Variants in RBM15 observed in about 807,000 individuals in gnomAD.
RBM15 encodes RNA binding motif protein 15, also known as RNA-binding protein 15.
Under a neutral mutation model 62.6 loss-of-function variants are expected in RBM15, and 8 were observed. That is an observed-to-expected ratio of 0.13 (90% CI 0.07 to 0.23). RBM15 has a LOEUF of 0.23. RBM15 is among the 10% of genes least tolerant of loss of function. The pLI is 1.00. For synonymous variants in RBM15, 606 were observed against 505.7 expected, an observed-to-expected ratio of 1.20 and a Z score of -2.66; for missense variants, 1,144 against 1,286.5, an observed-to-expected ratio of 0.89 and a Z score of 1.69.
At chr1:110,343,551 C>T (rs1276022878) in intron 1 of RBM15, among the ~76,000 whole-genome samples, 1 of 151,628 alleles carries the variant, frequency 6.6e-6, no homozygotes, top group Non-Finnish European at 1.5e-5. Context: ...TGATATCAAC[C>T]TCTGGTTCTC....
intron 1 of RBM15, among the ~76,000 whole-genome samples, chr1:110,343,183 TAGAA>T (rs1333608084): frequency 1.1e-4 from 17 of 152,194 alleles, no homozygotes; most frequent in South Asian, 4.1e-4. Context: ...GTTTCAATAA[TAGAA>T]AGAAGAGTTG....
In RBM15 at chr1:110,341,835, C is replaced by T. The variant is rs1487248079; in HGVS notation, c.2430C>T (p.Leu810=). ...ACATGCATCTGTTGCAGGGTGACCT[C>T]CAAGTGGCTAGTAGTCTTCTTGTGG... ...PSNMHLLQGD[L]QVASSLLVEG... The change falls in exon 1 of 3, where the codon CTC becomes CTT. Residue 810 remains leucine (L), a synonymous_variant. Coordinates refer to ENST00000369784, the MANE Select transcript of RBM15 (RefSeq NM_022768.5). The surrounding 1 kb of genome is among the most constrained non-coding windows in gnomAD (Gnocchi z 4.5). The T allele has an allele frequency of 6.2e-7, 1 of 1,614,190 alleles. No individual in the cohort carries two copies. The highest frequency in any genetic ancestry group is 8.5e-7 in the Non-Finnish European group (1 of 1,180,030).
chr1:110,340,022 A>G lies in RBM15; in HGVS notation c.617A>G (p.His206Arg), dbSNP rs372876750. ...GGTGATGTAAGTGTGAAAATCAGTC[A>G]TCTGTCGGGTTCTGGCAGCGGGGAT... is the stretch of plus-strand genomic sequence containing the variant. ...RFGDVSVKISHLSGSGSGDER... is the reference protein window; with the variant it reads ...RFGDVSVKISRLSGSGSGDER... The change falls in exon 1 of 3, where the codon CAT (histidine) becomes CGT (arginine). Residue 206 changes from histidine to arginine, a missense_variant. His to Arg is a conservative substitution (Grantham distance 29, BLOSUM62 0). Around this residue, in one of 8 missense-constraint regions of RBM15, gnomAD observed 188 missense variants for 185.6 expected, o/e 1.01. Transcript: ENST00000369784. This position sits in a 1 kb window ranked among gnomAD's most constrained non-coding sequence, Gnocchi z 5.8. 2.5e-6 allele frequency: 4 copies of G among 1,614,114 alleles called. No homozygotes were observed. The highest frequency in any genetic ancestry group is 2.5e-6 in the Non-Finnish European group (3 of 1,180,028).
chr1:110,341,006 A>G lies in RBM15; in HGVS notation c.1601A>G (p.Gln534Arg). The change falls in exon 1 of 3, where the codon CAG becomes CGG. Residue 534 changes from glutamine to arginine, a missense_variant. Transcript: ENST00000369784. The surrounding 1 kb of genome is among the most constrained non-coding windows in gnomAD (Gnocchi z 4.5). The stretch of plus-strand genomic sequence containing the variant: ...TTTGCCGACACCGAACATCGTTACC[A>G]GCAGCAGTATCTGCAGCCTCTGCCC... ...VDFADTEHRY[Q>R]QQYLQPLPLT... 1 of 1,614,214 alleles carries G rather than the reference A, an allele frequency of 6.2e-7. No individual in the cohort carries two copies. Among genetic ancestry groups the G allele is most frequent in the Non-Finnish European group, 8.5e-7 (1 of 1,180,016 alleles).
At position 110,340,341 on chromosome 1, in the gene RBM15, T is replaced by A; in HGVS notation, c.936T>A (p.Leu312=). 1.2e-6 allele frequency: 2 copies of A among 1,614,174 alleles called. No individual in the cohort carries two copies. Among genetic ancestry groups the A allele is most frequent in the South Asian group, 2.2e-5 (2 of 91,090 alleles). The change falls in exon 1 of 3, where the codon CTT becomes CTA. Residue 312 remains leucine (L), a synonymous_variant. Transcript: ENST00000369784. This position sits in a 1 kb window ranked among gnomAD's most constrained non-coding sequence, Gnocchi z 5.8. ...ACTACCGGCTGCAGCAGTTGGCTCTTGGCCGCCTGCCCCCTCCACCTCCGC... is the reference window on the plus strand; with the variant it reads ...ACTACCGGCTGCAGCAGTTGGCTCTAGGCCGCCTGCCCCCTCCACCTCCGC... ...YRDYRLQQLA[L]GRLPPPPPPP...
chr1:110,340,378 C>G lies in RBM15; in HGVS notation c.973C>G (p.Arg325Gly), dbSNP rs1326697505. ...LPPPPPPPLP[R>G]DLERERDYPF... Reference sequence around the variant, plus strand: ...CCCTCCACCTCCGCCACCATTGCCTCGAGACCTGGAGAGAGAAAGAGACTA... The same window carrying G: ...CCCTCCACCTCCGCCACCATTGCCTGGAGACCTGGAGAGAGAAAGAGACTA... Residue 325 changes from arginine to glycine, a missense_variant, in exon 1 of 3, where the codon CGA (arginine) becomes GGA (glycine). By Grantham distance (125) the Arg-to-Gly change is moderately radical. Coordinates refer to ENST00000369784, the MANE Select transcript of RBM15 (RefSeq NM_022768.5). The surrounding 1 kb of genome is among the most constrained non-coding windows in gnomAD (Gnocchi z 5.8). 2 of 1,614,190 alleles carry G rather than the reference C, an allele frequency of 1.2e-6. No homozygotes were observed. Among genetic ancestry groups the G allele is most frequent in the Non-Finnish European group, 1.7e-6 (2 of 1,180,024 alleles).
Position 110,339,429 on chromosome 1 carries a change from T to C in RBM15, c.24T>C (p.Pro8=), listed in dbSNP as rs749135349. ...CAATGAGGACTGCGGGGCGGGACCC[T>C]GTGCCGCGGCGGAGTCCAAGATGGC... is the stretch of plus-strand genomic sequence containing the variant. MRTAGRD[P]VPRRSPRWRR... Residue 8 remains proline (P), a synonymous_variant, in exon 1 of 3, where the codon CCT becomes CCC. Transcript: ENST00000369784. The C allele has an allele frequency of 6.5e-7, 1 of 1,531,990 alleles. No homozygotes were observed. The highest frequency in any genetic ancestry group is 2.3e-5 in the East Asian group (1 of 43,970). 94.9% of individuals were successfully genotyped at this position (1,531,990 alleles called of 1,614,324 possible).
At position 110,339,627 on chromosome 1, in the gene RBM15, A is replaced by T. The variant is rs968053304; in HGVS notation, c.222A>T (p.Leu74Phe). The stretch of plus-strand genomic sequence containing the variant: ...CCCGCGGTGAGCGGAGCAAGAAGTT[A>T]GGGGGCTCTGGTGGCAGCAATGGGA... Reference protein sequence around the residue: ...STSRGERSKKLGGSGGSNGSS... With the variant: ...STSRGERSKKFGGSGGSNGSS... The change falls in exon 1 of 3, where the codon TTA (leucine) becomes TTT (phenylalanine). Residue 74 changes from leucine (L) to phenylalanine (F), a missense_variant. This residue lies in a region of RBM15 where 298 missense variants were observed against 250.0 expected (regional missense o/e 1.19). Coordinates refer to ENST00000369784, the MANE Select transcript of RBM15 (RefSeq NM_022768.5). The T allele has an allele frequency of 1.2e-6, 2 of 1,613,146 alleles. No individual in the cohort carries two copies. Among genetic ancestry groups the T allele is most frequent in the African/African-American group, 2.7e-5 (2 of 74,918 alleles).
intron 1 of RBM15, 105 bp from the exon 2 acceptor site, chr1:110,345,434 A>T (rs2100942484): frequency 1.3e-6 from 1 of 796,720 alleles, no homozygotes; most frequent in South Asian, 1.5e-5. Flanking sequence ...AAACTCTGGT[A>T]ACAGAATTAG....
In RBM15 at chr1:110,341,508, A is replaced by C; in HGVS notation, c.2103A>C (p.Pro701=). Residue 701 remains proline (P), a synonymous_variant, in exon 1 of 3, where the codon CCA becomes CCC. Coordinates refer to ENST00000369784, the MANE Select transcript of RBM15 (RefSeq NM_022768.5). This position sits in a 1 kb window ranked among gnomAD's most constrained non-coding sequence, Gnocchi z 4.5. ...GTCTTCTCTTGGAAAGGCCCTCTCC[A>C]ATCAGAGACAGACGAGGTAGTTTGG... ...SSRLLLERPS[P]IRDRRGSLEK... 1 of 1,614,090 alleles carries C rather than the reference A, an allele frequency of 6.2e-7. No individual in the cohort carries two copies. The highest frequency in any genetic ancestry group is 1.1e-5 in the South Asian group (1 of 91,084).
chr1:110,343,481 C>T (rs1399752915), intron 1 of RBM15, among the ~76,000 whole-genome samples: 1 of 150,936 alleles, frequency 6.6e-6, no homozygotes, highest in Admixed American at 6.6e-5. Context: ...CCCAGACACC[C>T]GGAATTAATA....
rs772443051 is a variant in RBM15, at chr1:110,341,277, C to G, written c.1872C>G (p.Asp624Glu). Residue 624 changes from aspartate to glutamate, a missense_variant, in exon 1 of 3, where the codon GAC (aspartate) becomes GAG (glutamate). Around this residue, in one of 8 missense-constraint regions of RBM15, gnomAD observed 360 missense variants for 342.9 expected, o/e 1.05. Transcript: ENST00000369784. This position sits in a 1 kb window ranked among gnomAD's most constrained non-coding sequence, Gnocchi z 4.5. ...LDRRRDGWSL[D>E]RDRGDRDLPS... ...GCAGGCGGGATGGTTGGTCCTTGGA[C>G]CGGGACAGAGGTGATCGAGATCTGC... 1 of 1,614,042 alleles carries G rather than the reference C, an allele frequency of 6.2e-7. No individual in the cohort carries two copies. The highest frequency in any genetic ancestry group is 8.5e-7 in the Non-Finnish European group (1 of 1,180,004).
rs961499445 is a variant in RBM15, at chr1:110,339,379, G to A, written c.-27G>A. 2.0e-6 allele frequency: 3 copies of A among 1,481,616 alleles called. No individual in the cohort carries two copies. The African/African-American group carries it at 4.2e-5, about 21-fold the overall frequency. 91.8% of individuals were successfully genotyped at this position (1,481,616 alleles called of 1,614,324 possible). Reference sequence around the variant, plus strand: ...GATAGACAAATAATTTTCCCAATGAGACTGTAGAAGAGAGAGCAATTGGCC... The same window carrying A: ...GATAGACAAATAATTTTCCCAATGAAACTGTAGAAGAGAGAGCAATTGGCC... On this transcript the variant is annotated 5_prime_UTR_variant, in exon 1 of 3. Coordinates refer to ENST00000369784, the MANE Select transcript of RBM15 (RefSeq NM_022768.5).
In RBM15 at chr1:110,345,480, T is replaced by A. The variant is rs991703333; in HGVS notation, c.2864-59T>A. ...TGAGAAGAGGGCCTTAATGACCTTT[T>A]ATGTGAAAAAAATTTTGGAGAGAAT... On this transcript the variant is annotated intron_variant, in intron 1 of 2. Transcript: ENST00000369784. The A allele has an allele frequency of 1.6e-5, 19 of 1,221,054 alleles. No individual in the cohort carries two copies. The Admixed American group carries it at 2.3e-4, about 15-fold the overall frequency. The allele number at this position is 1,221,054 out of a possible 1,614,324, so 75.6% of individuals were successfully genotyped here.
chr1:110,340,854 C>T lies in RBM15; in HGVS notation c.1449C>T (p.Thr483=). ...TTGATCGATTTGGCACCATACGCACCATAGACTACCGAAAAGGTGATAGTT... is the reference window on the plus strand; with the variant it reads ...TTGATCGATTTGGCACCATACGCACTATAGACTACCGAAAAGGTGATAGTT... ...REFDRFGTIR[T]IDYRKGDSWA... The change falls in exon 1 of 3, where the codon ACC becomes ACT. Residue 483 remains threonine, a synonymous_variant. Coordinates refer to ENST00000369784, the MANE Select transcript of RBM15 (RefSeq NM_022768.5). This position sits in a 1 kb window ranked among gnomAD's most constrained non-coding sequence, Gnocchi z 5.8. The T allele has an allele frequency of 6.2e-7, 1 of 1,614,204 alleles. No homozygotes were observed. Among genetic ancestry groups the T allele is most frequent in the Non-Finnish European group, 8.5e-7 (1 of 1,180,048 alleles).
At position 110,341,408 on chromosome 1, in the gene RBM15, C is replaced by G. The variant is rs150900331; in HGVS notation, c.2003C>G (p.Ala668Gly). ...GACCGCCCACGAAAACGTCACTGCG[C>G]TCCTTCTCCTGACCGCAGTCCAGAA... ...ESDRPRKRHC[A>G]PSPDRSPELS... The change falls in exon 1 of 3, where the codon GCT becomes GGT. Residue 668 changes from alanine (A) to glycine (G), a missense_variant. Ala to Gly is a moderately conservative substitution (Grantham distance 60, BLOSUM62 0). Coordinates refer to ENST00000369784, the MANE Select transcript of RBM15 (RefSeq NM_022768.5). The surrounding 1 kb of genome is among the most constrained non-coding windows in gnomAD (Gnocchi z 4.5). The G allele has an allele frequency of 2.5e-6, 4 of 1,614,056 alleles. No individual in the cohort carries two copies. The highest frequency in any genetic ancestry group is 3.3e-4 in the Middle Eastern group (2 of 6,084).
chr1:110,339,413 C>G lies in RBM15; in HGVS notation c.8C>G (p.Thr3Ser). The change falls in exon 1 of 3, where the codon ACT (threonine) becomes AGT (serine). Residue 3 changes from threonine (T) to serine (S), a missense_variant. Physicochemically the swap from Thr to Ser is moderately conservative, Grantham distance 58. Around this residue, in one of 8 missense-constraint regions of RBM15, gnomAD observed 298 missense variants for 250.0 expected, o/e 1.19. Coordinates refer to ENST00000369784, the MANE Select transcript of RBM15 (RefSeq NM_022768.5). MR[T>S]AGRDPVPRRS... ...AGAGAGAGCAATTGGCCAATGAGGACTGCGGGGCGGGACCCTGTGCCGCGG... is the reference window on the plus strand; with the variant it reads ...AGAGAGAGCAATTGGCCAATGAGGAGTGCGGGGCGGGACCCTGTGCCGCGG... 6.6e-7 allele frequency: 1 copy of G among 1,519,348 alleles called. No homozygotes were observed. The highest frequency in any genetic ancestry group is 8.8e-7 in the Non-Finnish European group (1 of 1,133,182). 94.1% of individuals were successfully genotyped at this position (1,519,348 alleles called of 1,614,324 possible).
Position 110,346,300 on chromosome 1 carries a change from T to C in RBM15, c.*41-8T>C, listed in dbSNP as rs762244109. The C allele has an allele frequency of 2.5e-6, 4 of 1,598,038 alleles. No homozygotes were observed. In the South Asian group the frequency reaches 3.3e-5, roughly 13 times the overall value. The stretch of plus-strand genomic sequence containing the variant: ...ACTGAATAACCTTTTTTTCCCCCCC[T>C]CCGCAAGCAAAACTGGTTGAACAGC... On this transcript the variant is annotated splice_region_variant and splice_polypyrimidine_tract_variant and intron_variant, in intron 2 of 2. Transcript: ENST00000369784.
rs1660721447 is a variant in RBM15 at position 110,339,515 on chromosome 1, A to G, written c.110A>G (p.Asp37Gly). The change falls in exon 1 of 3, where the codon GAC becomes GGC. Residue 37 changes from aspartate to glycine, a missense_variant. Asp to Gly is a moderately conservative substitution (Grantham distance 94). Coordinates refer to ENST00000369784, the MANE Select transcript of RBM15 (RefSeq NM_022768.5). ...AGRRVTQLRG[D>G]DLRRPATMKG... ...CGGCGGGTTACTCAGCTCCGCGGAG[A>G]CGACCTCCGACGACCCGCAACAATG... 5.0e-6 allele frequency: 8 copies of G among 1,598,522 alleles called. No homozygotes were observed. The highest frequency in any genetic ancestry group is 2.2e-5 in the East Asian group (1 of 44,548).
Sources: allele counts gnomAD v4.1 joint callset (sites outside exome capture counted in the v4.1 genomes callset), GRCh38; gene constraint gnomAD v4.1.1; regional missense constraint gnomAD v4.1.1; non-coding constraint Gnocchi (gnomAD v3.1); transcripts MANE v1.5; gene names NCBI Gene and HGNC (gene_info 2026-07-23, HGNC 2026-07-21).